Variants in DPP10 observed in about 807,000 individuals in gnomAD.
DPP10 encodes the protein inactive dipeptidyl peptidase 10.
Under a neutral mutation model 120.9 loss-of-function variants are expected in DPP10, and 33 were observed. The observed-to-expected ratio is 0.27, with a 90% CI of 0.21 to 0.37. The LOEUF (loss-of-function observed/expected upper bound fraction) is 0.37, where lower values mean the gene tolerates loss of function less well. DPP10 is among the 10% of genes least tolerant of loss of function. DPP10 has a pLI of 1.00. For synonymous variants in DPP10, 337 were observed against 326.1 expected (o/e 1.03, Z -0.36); for missense variants, 816 against 942.8 (o/e 0.87, Z 1.76).
intron 1 of DPP10, among the ~76,000 whole-genome samples, chr2:114,819,628 C>G (rs1265467520): frequency 6.6e-6 from 1 of 152,162 alleles, no homozygotes; most frequent in African/African-American, 2.4e-5. Flanking sequence ...CCCAGGCAAA[C>G]CTTGCAAAAG....
intron 1 of DPP10, among the ~76,000 whole-genome samples, chr2:114,470,579 T>C (rs1679825269): frequency 6.6e-6 from 1 of 152,184 alleles, no homozygotes; most frequent in Admixed American, 6.5e-5. Flanking sequence ...ATCGACAATC[T>C]CATTTTCTCC....
rs567480833 is a variant in DPP10 at position 115,687,621 on chromosome 2, C to T, written c.442-2066C>T. 7.4e-4 allele frequency among the ~76,000 whole-genome samples: 96 copies of T among 130,080 alleles called. 1 individual carries two copies. In the South Asian group the frequency reaches 0.022, roughly 30 times the overall value. 85.3% of individuals were successfully genotyped at this position (130,080 alleles called of 152,430 possible). On this transcript the variant is annotated intron_variant, in intron 5 of 25. Coordinates refer to ENST00000410059, the MANE Select transcript of DPP10 (RefSeq NM_020868.6). ...TTCTTTATTGCAGTCTTCACCTCAA[C>T]ACACTTACTGCAAGAGACAATATTG...
intron 1 of DPP10, among the ~76,000 whole-genome samples, chr2:114,630,915 C>T (rs769403616): frequency 6.6e-6 from 1 of 152,024 alleles, no homozygotes; most frequent in Non-Finnish European, 1.5e-5. Context: ...ATTGAACTAT[C>T]TGGAACATTT....
chr2:114,709,120 A>G (rs1031880579), intron 1 of DPP10, among the ~76,000 whole-genome samples: 1 of 152,166 alleles, frequency 6.6e-6, no homozygotes, highest in Non-Finnish European at 1.5e-5. Flanking sequence ...AGCCAAGCCA[A>G]TTCCCAGGCT....
At chr2:115,123,712 C>T (rs1358522290) in intron 1 of DPP10, among the ~76,000 whole-genome samples, 1 of 152,114 alleles carries the variant, frequency 6.6e-6, no homozygotes, top group African/African-American at 2.4e-5. Flanking sequence ...ACCTGACCAT[C>T]ACCTGATGGT....
intron 1 of DPP10, among the ~76,000 whole-genome samples, chr2:114,512,252 G>C (rs528248053): frequency 6.6e-6 from 1 of 152,236 alleles, no homozygotes; most frequent in South Asian, 2.1e-4. Flanking sequence ...TGTCAGCCTT[G>C]TTATTTTAAG....
chr2:114,805,365 C>T (rs537225036), intron 1 of DPP10, among the ~76,000 whole-genome samples: 9 of 152,272 alleles, frequency 5.9e-5, no homozygotes, highest in Admixed American at 1.3e-4. Flanking sequence ...CACACGAGTG[C>T]TCTTCAGGAA....
Position 115,560,353 on chromosome 2 carries a change from A to C in DPP10, c.441+34381A>C, listed in dbSNP as rs1169759829. ...GCCACTGCACTCCAGCCTGGGCGAC[A>C]GAGCAAGACTCCTTCTCAAAAAAAA... On this transcript the variant is annotated intron_variant, in intron 5 of 25. Coordinates refer to ENST00000410059, the MANE Select transcript of DPP10 (RefSeq NM_020868.6). Among the ~76,000 whole-genome samples, 127 of 107,628 alleles carry C rather than the reference A, an allele frequency of 1.2e-3. 2 individuals carry two copies. Among genetic ancestry groups the C allele is most frequent in the African/African-American group, 4.5e-3 (125 of 27,572 alleles). 70.6% of individuals were successfully genotyped at this position (107,628 alleles called of 152,430 possible).
chr2:115,436,672 G>A (rs148847483), intron 3 of DPP10, among the ~76,000 whole-genome samples: 12 of 151,844 alleles, frequency 7.9e-5, no homozygotes, highest in East Asian at 5.8e-4. Context: ...AGAATAGGGT[G>A]GGTATTGAAA....
chr2:114,628,368 A>G (rs1190404820), intron 1 of DPP10, among the ~76,000 whole-genome samples: 1 of 152,176 alleles, frequency 6.6e-6, no homozygotes, highest in Admixed American at 6.5e-5. Context: ...TTTTTCACCA[A>G]AGATAATTGC....
chr2:115,717,756 C>T (rs543070017), intron 7 of DPP10, among the ~76,000 whole-genome samples: 93 of 152,258 alleles, frequency 6.1e-4, no homozygotes, highest in African/African-American at 1.6e-3. Flanking sequence ...CTGGAAGCCA[C>T]GTGAATGGGC....
chr2:114,937,731 T>G (rs1696588298), intron 1 of DPP10, among the ~76,000 whole-genome samples: 3 of 152,116 alleles, frequency 2.0e-5, no homozygotes, highest in African/African-American at 4.8e-5. Context: ...GCCACACTAC[T>G]CTGAACGTGC....
At chr2:115,162,193 A>G in intron 1 of DPP10, 1 of 1,550,418 alleles carries the variant, frequency 6.4e-7, no homozygotes, top group Non-Finnish European at 8.7e-7. Context: ...ACTCTGCGGG[A>G]AGTTAGAGCC....
At chr2:114,871,907 G>C (rs1319878220) in intron 1 of DPP10, among the ~76,000 whole-genome samples, 1 of 152,164 alleles carries the variant, frequency 6.6e-6, no homozygotes, top group Non-Finnish European at 1.5e-5. Flanking sequence ...TCTCATAGGA[G>C]TGTGGACCCT....
intron 3 of DPP10, among the ~76,000 whole-genome samples, chr2:115,458,967 A>T (rs2073803324): frequency 6.6e-6 from 1 of 152,154 alleles, no homozygotes; most frequent in South Asian, 2.1e-4. Flanking sequence ...TCTTTTTGCC[A>T]TATTCTAACA....
intron 1 of DPP10, among the ~76,000 whole-genome samples, chr2:114,602,551 G>A (rs752993556): frequency 2.6e-5 from 4 of 151,856 alleles, no homozygotes; most frequent in Non-Finnish European, 5.9e-5. Context: ...AGTATGAAGT[G>A]GGCTCTCAAC....
In DPP10 at chr2:114,792,990, T is replaced by TTGTGTGTGTG. The variant is rs55780807; in HGVS notation, c.60+350184_60+350193dup. The stretch of plus-strand genomic sequence containing the variant: ...GTGGACCACCAAGGCAACTGTATTA[T>TTGTGTGTGTG]TGTGTGTGTGTGTGTGTGTGTGTGT... On this transcript the variant is annotated intron_variant, in intron 1 of 25. Transcript: ENST00000410059. Among the ~76,000 whole-genome samples the TTGTGTGTGTG allele has an allele frequency of 2.8e-3, 398 of 143,732 alleles. 2 individuals are homozygous for TTGTGTGTGTG. Among genetic ancestry groups the TTGTGTGTGTG allele is most frequent in the African/African-American group, 0.01 (382 of 38,184 alleles). The allele number at this position is 143,732 out of a possible 152,430, so 94.3% of individuals were successfully genotyped here.
chr2:115,740,569 G>A (rs1284621044), intron 9 of DPP10, among the ~76,000 whole-genome samples: 1 of 152,104 alleles, frequency 6.6e-6, no homozygotes, highest in Non-Finnish European at 1.5e-5. Flanking sequence ...CTGGTATGGA[G>A]TCATAGCCAT....
chr2:114,468,397 C>CAAAAAAAAAAAAAA (rs71297186), intron 1 of DPP10, among the ~76,000 whole-genome samples: 24 of 69,548 alleles, frequency 3.5e-4, no homozygotes, highest in African/African-American at 1.1e-3. Flanking sequence ...GCTTACAATG[C>CAAAAAAAAAAAAAA]AAAAAAAAAA....
Sources: gnomAD v4.1 joint callset for allele counts (sites outside exome capture counted in the v4.1 genomes callset) on GRCh38, gnomAD v4.1.1 for gene constraint, MANE v1.5 for transcripts, NCBI Gene and HGNC (gene_info 2026-07-23, HGNC 2026-07-21) for gene names.